Variants in USP13 observed in about 807,000 individuals in gnomAD.
The protein encoded by USP13 is ubiquitin specific peptidase 13.
Under a neutral mutation model 107.8 loss-of-function variants are expected in USP13, and 68 were observed. The observed-to-expected ratio is 0.63, with a 90% CI of 0.52 to 0.77. The LOEUF (loss-of-function observed/expected upper bound fraction) is 0.77, where lower values mean the gene tolerates loss of function less well. Among genes scored for constraint, USP13 ranks in the 30% least tolerant of loss-of-function variants. The probability of loss-of-function intolerance (pLI) is 0.00; values close to 1 mark genes in which losing one functional copy is unlikely to be tolerated. For synonymous variants in USP13, 377 were observed against 389.5 expected (o/e 0.97, Z 0.38); for missense variants, 945 against 1,093.3 (o/e 0.86, Z 1.91).
intron 19 of USP13, among the ~76,000 whole-genome samples, chr3:179,768,828 G>C (rs988474078): frequency 6.6e-6 from 1 of 152,094 alleles, no homozygotes; most frequent in Non-Finnish European, 1.5e-5. Context: ...ATGAATCAAA[G>C]GGAGGGGAAA....
At chr3:179,783,981 T>C in intron 20 of USP13, 67 bp from the exon 21 acceptor site, 1 of 1,288,066 alleles carries the variant, frequency 7.8e-7, no homozygotes, top group Non-Finnish European at 1.1e-6. Context: ...TATGATTTAG[T>C]GACTTCTTTG....
At chr3:179,697,250 G>T (rs771973397) in intron 3 of USP13, among the ~76,000 whole-genome samples, 7 of 152,214 alleles carry the variant, frequency 4.6e-5, no homozygotes, top group Admixed American at 2.0e-4. Context: ...TAACCAGAAG[G>T]TTCTAATAAA....
At chr3:179,655,275 A>C (rs1720217362) in intron 1 of USP13, among the ~76,000 whole-genome samples, 1 of 152,204 alleles carries the variant, frequency 6.6e-6, no homozygotes, top group African/African-American at 2.4e-5. Flanking sequence ...AATGCAGTGG[A>C]TAACAGGTGT....
rs1031804432 is a variant in USP13 at position 179,783,249 on chromosome 3, A to G, written c.2499-799A>G. Among the ~76,000 whole-genome samples, 5 of 152,166 alleles carry G rather than the reference A, an allele frequency of 3.3e-5. No homozygotes were observed. In the East Asian group the frequency reaches 9.6e-4, roughly 29 times the overall value. Reference sequence around the variant, plus strand: ...CAAAGAATATGTACCCTGGAAGCCTAACAATAACCATTGTCTACATTTTGA... The same window carrying G: ...CAAAGAATATGTACCCTGGAAGCCTGACAATAACCATTGTCTACATTTTGA... On this transcript the variant is annotated intron_variant, in intron 20 of 20. Coordinates refer to ENST00000263966, the MANE Select transcript of USP13 (RefSeq NM_003940.3).
chr3:179,766,436 G>A (rs1030823422), intron 19 of USP13, among the ~76,000 whole-genome samples: 4 of 152,154 alleles, frequency 2.6e-5, no homozygotes, highest in African/African-American at 9.7e-5. Flanking sequence ...TTTCTTCATG[G>A]ACCATGGGAG....
chr3:179,784,006 G>A, intron 20 of USP13, 42 bp from the exon 21 acceptor site: 4 of 1,535,668 alleles, frequency 2.6e-6, no homozygotes, highest in Non-Finnish European at 1.8e-6. Flanking sequence ...AAGTTTCCTG[G>A]AACTGACTTA....
chr3:179,696,412 C>T (rs9814806), intron 3 of USP13, among the ~76,000 whole-genome samples: 12,999 of 147,700 alleles, frequency 0.088, 715 homozygotes, highest in African/African-American at 0.15. Context: ...CTCACCGCAA[C>T]CTCCGCCTCC....
chr3:179,763,685 C>T (rs971744046), intron 17 of USP13, among the ~76,000 whole-genome samples: 1 of 152,148 alleles, frequency 6.6e-6, no homozygotes, highest in South Asian at 2.1e-4. Context: ...CTCTTGGGTT[C>T]AAGCGATTCT....
At position 179,786,996 on chromosome 3, in the gene USP13, T is replaced by C. The variant is rs532768827; in HGVS notation, c.*2855T>C. On this transcript the variant is annotated 3_prime_UTR_variant, in exon 21 of 21. Transcript: ENST00000263966. ...AAATGCCCATATAACTAATCAGAAA[T>C]CCAGTTTGGTTCAGATTGGGATTTT... is the stretch of plus-strand genomic sequence containing the variant. 1 of 152,274 alleles carries C rather than the reference T, an allele frequency of 6.6e-6. No individual in the cohort carries two copies. The highest frequency in any genetic ancestry group is 2.1e-4 in the South Asian group (1 of 4,822). 9.4% of individuals were successfully genotyped at this position (152,274 alleles called of 1,614,324 possible).
At chr3:179,758,502 A>ATT (rs879505016) in intron 16 of USP13, among the ~76,000 whole-genome samples, 4 of 146,334 alleles carry the variant, frequency 2.7e-5, no homozygotes, top group East Asian at 2.0e-4. Flanking sequence ...CCTTTCTTAA[A>ATT]TTTTTTTTTT....
chr3:179,762,896 C>A (rs1715054050), intron 17 of USP13, among the ~76,000 whole-genome samples: 1 of 152,096 alleles, frequency 6.6e-6, no homozygotes, highest in Non-Finnish European at 1.5e-5. Flanking sequence ...TCATCACTAA[C>A]CCTTATTATT....
At chr3:179,747,930 G>GC (rs1191163425) in intron 13 of USP13, among the ~76,000 whole-genome samples, 1 of 152,160 alleles carries the variant, frequency 6.6e-6, no homozygotes, top group African/African-American at 2.4e-5. Context: ...ACATGCTCTT[G>GC]CATGTGCCTT....
chr3:179,686,147 T>C (rs1046538253), intron 2 of USP13, among the ~76,000 whole-genome samples: 7 of 152,178 alleles, frequency 4.6e-5, no homozygotes, highest in African/African-American at 7.2e-5. Flanking sequence ...CTCCCGTGAG[T>C]GGCCATTCTA....
chr3:179,730,569 G>A, intron 9 of USP13, 47 bp from the exon 10 acceptor site: 1 of 1,497,920 alleles, frequency 6.7e-7, no homozygotes, highest in Non-Finnish European at 9.2e-7. Flanking sequence ...TATTACTATG[G>A]AAAAACAACA....
In USP13 at chr3:179,767,635, A is replaced by T. The variant is rs147282984; in HGVS notation, c.2413+1787A>T. 2.6e-4 allele frequency among the ~76,000 whole-genome samples: 39 copies of T among 152,172 alleles called. 3 individuals are homozygous for T. In the East Asian group the frequency reaches 7.5e-3, roughly 29 times the overall value. On this transcript the variant is annotated intron_variant, in intron 19 of 20. Transcript: ENST00000263966. ...AGGTATCAAGTTGATCTTGCAATAA[A>T]ATTACTTCTGTAGGTATTTGTGTCT...
intron 19 of USP13, among the ~76,000 whole-genome samples, chr3:179,779,706 C>T (rs952347664): frequency 7.6e-5 from 10 of 132,026 alleles, no homozygotes; most frequent in South Asian, 2.4e-4. Context: ...CAGCCTTTGA[C>T]GCAAGGGTTT....
At chr3:179,761,414 C>CTT (rs59210034) in intron 17 of USP13, among the ~76,000 whole-genome samples, 159 bp downstream of exon 17, 209 of 147,894 alleles carry the variant, frequency 1.4e-3, no homozygotes, top group African/African-American at 4.9e-3. Flanking sequence ...TTTTCTTCTT[C>CTT]TTTTTTTTTT....
intron 6 of USP13, among the ~76,000 whole-genome samples, chr3:179,715,811 A>C (rs1348868922): frequency 6.6e-6 from 1 of 151,748 alleles, no homozygotes; most frequent in Non-Finnish European, 1.5e-5. Flanking sequence ...TCTGAGGAGA[A>C]TCTCTCTTCA....
At chr3:179,719,869 C>CA in intron 6 of USP13, 71 bp from the exon 7 acceptor site, 16 of 1,392,274 alleles carry the variant, frequency 1.1e-5, no homozygotes, top group Non-Finnish European at 1.5e-5. Context: ...AGTAGGAGTT[C>CA]AAAAAATATG....
Sources: allele counts gnomAD v4.1 joint callset (sites outside exome capture counted in the v4.1 genomes callset), GRCh38; gene constraint gnomAD v4.1.1; transcripts MANE v1.5; gene names NCBI Gene and HGNC (gene_info 2026-07-23, HGNC 2026-07-21).